SLC7A7: variants seen among roughly 807,000 people sequenced by gnomAD.
SLC7A7 encodes the protein Y+L amino acid transporter 1.
A neutral mutation model predicts 47.9 loss-of-function variants in SLC7A7; 39 were observed. The observed-to-expected ratio is 0.81, with a 90% CI of 0.63 to 1.06. SLC7A7 has a LOEUF of 1.06. SLC7A7 is among the 50% of genes least tolerant of loss of function. SLC7A7 has a pLI of 0.00. For synonymous variants in SLC7A7, 234 were observed against 242.8 expected, an observed-to-expected ratio of 0.96 and a Z score of 0.34; for missense variants, 588 against 632.0, an observed-to-expected ratio of 0.93 and a Z score of 0.75.
chr14:22,774,580 G>GA, intron 7 of SLC7A7, 77 bp from the exon 8 acceptor site: 1 of 1,585,464 alleles, frequency 6.3e-7, no homozygotes, highest in East Asian at 2.2e-5. Context: ...TTATACCCCA[G>GA]AAATCCATCC....
chr14:22,779,468 G>T (rs796221027), intron 3 of SLC7A7, among the ~76,000 whole-genome samples: 22,593 of 124,644 alleles, frequency 0.18, 2,345 homozygotes, highest in African/African-American at 0.32. Context: ...TTTTTTTTTG[G>T]GGGGGGGACA....
intron 2 of SLC7A7, among the ~76,000 whole-genome samples, chr14:22,783,822 C>T (rs893340207): frequency 9.2e-5 from 14 of 152,212 alleles, no homozygotes; most frequent in African/African-American, 3.4e-4. Context: ...CTGATCTGCT[C>T]TCTGTACTGA....
At chr14:22,782,094 T>C (rs1383567446) in intron 2 of SLC7A7, among the ~76,000 whole-genome samples, 2 of 151,974 alleles carry the variant, frequency 1.3e-5, no homozygotes, top group African/African-American at 4.8e-5. Context: ...TTATATTTTA[T>C]TTTATTTATT....
intron 2 of SLC7A7, among the ~76,000 whole-genome samples, chr14:22,812,351 G>A (rs1458892523): frequency 6.6e-6 from 1 of 151,910 alleles, no homozygotes; most frequent in East Asian, 1.9e-4. Context: ...ATTTTTAGTA[G>A]AGATGGGGTT....
At chr14:22,773,901 T>C (rs761534256) in intron 9 of SLC7A7, 32 bp downstream of exon 9, 1 of 1,613,152 alleles carries the variant, frequency 6.2e-7, no homozygotes, top group African/African-American at 1.3e-5. Flanking sequence ...AGCTCTGCAA[T>C]AGCTGAGCGG....
chr14:22,775,445 T>C lies in SLC7A7; in HGVS notation c.1094A>G (p.Asn365Ser), dbSNP rs775426220. The part of the protein sequence containing the change: ...RFTPVPSLLF[N>S]GIMALIYLCV... ...AGTCTCATCCTTGAGTTCACTTACA[T>C]TGAAGAGCAGAGAAGGCACTGGTGT... Residue 365 changes from asparagine to serine, a missense_variant and splice_region_variant, in exon 7 of 10, where the codon AAT (asparagine) becomes AGT (serine). Asn to Ser is a conservative substitution (Grantham distance 46, BLOSUM62 1). Coordinates refer to ENST00000674313, the MANE Select transcript of SLC7A7 (RefSeq NM_003982.4). 19 of 1,613,130 alleles carry C rather than the reference T, an allele frequency of 1.2e-5. No individual in the cohort carries two copies. Among genetic ancestry groups the C allele is most frequent in the East Asian group, 4.5e-5 (2 of 44,894 alleles).
chr14:22,780,194 ACCCTCGGGG>A, intron 2 of SLC7A7, 143 bp from the exon 3 acceptor site: 1 of 1,155,386 alleles, frequency 8.7e-7, no homozygotes. Flanking sequence ...CTGCACTGGA[ACCCTCGGGG>A]CCCCAGAATG....
At chr14:22,779,256 G>A (rs1459963861) in intron 3 of SLC7A7, among the ~76,000 whole-genome samples, 2 of 152,170 alleles carry the variant, frequency 1.3e-5, no homozygotes, top group African/African-American at 4.8e-5. Context: ...CTGCTCTGCA[G>A]GCTGCCTGAT....
intron 2 of SLC7A7, among the ~76,000 whole-genome samples, chr14:22,793,406 C>G (rs1053952554): frequency 2.6e-5 from 4 of 152,156 alleles, no homozygotes; most frequent in Non-Finnish European, 5.9e-5. Context: ...TTGGGAGAAA[C>G]TTAGTTTATA....
intron 2 of SLC7A7, among the ~76,000 whole-genome samples, chr14:22,784,189 C>T (rs1291598339): frequency 1.3e-5 from 2 of 152,204 alleles, no homozygotes; most frequent in African/African-American, 4.8e-5. Context: ...TCCCCTTCTA[C>T]CTCTAGGGGC....
At chr14:22,814,495 CA>C (rs1406209751) in intron 1 of SLC7A7, among the ~76,000 whole-genome samples, 3 of 151,448 alleles carry the variant, frequency 2.0e-5, no homozygotes, top group African/African-American at 7.3e-5. Context: ...AAAAAAAAAA[CA>C]AAATCAAAAA....
chr14:22,802,228 C>T (rs7151696), intron 2 of SLC7A7, among the ~76,000 whole-genome samples: 85,176 of 151,924 alleles, frequency 0.56, 25,020 homozygotes, highest in East Asian at 0.74. Flanking sequence ...CATGGTGAAA[C>T]CCCATCTGTA....
chr14:22,778,865 T>C lies in SLC7A7; in HGVS notation c.698A>G (p.Tyr233Cys), dbSNP rs11568432. 6.2e-7 allele frequency: 1 copy of C among 1,614,132 alleles called. No homozygotes were observed. The highest frequency in any genetic ancestry group is 2.2e-5 in the East Asian group (1 of 44,878). Residue 233 changes from tyrosine (Y) to cysteine (C), a missense_variant, in exon 4 of 10, where the codon TAC (tyrosine) becomes TGC (cysteine). Tyr to Cys is a radical substitution (Grantham distance 194). Coordinates refer to ENST00000674313, the MANE Select transcript of SLC7A7 (RefSeq NM_003982.4). ...GCCTGAGTAGGAGAACAGAGCTGAG[T>C]ACAGTGCCAGGGCAATGTCACCCAC... ...FAVGDIALAL[Y>C]SALFSYSGWD...
chr14:22,781,696 C>T (rs181453835), intron 2 of SLC7A7, among the ~76,000 whole-genome samples: 1 of 152,292 alleles, frequency 6.6e-6, no homozygotes, highest in Non-Finnish European at 1.5e-5. Context: ...CCCCACTGGA[C>T]TCCAGCCTCC....
rs113678567 is a variant in SLC7A7 at position 22,796,195 on chromosome 14, TG to T, written c.500-16145del. 9.0e-3 allele frequency among the ~76,000 whole-genome samples: 1,362 copies of T among 152,168 alleles called. 18 individuals are homozygous for T. The highest frequency in any genetic ancestry group is 0.031 in the African/African-American group (1,304 of 41,510). On this transcript the variant is annotated intron_variant, in intron 2 of 9. Coordinates refer to ENST00000674313, the MANE Select transcript of SLC7A7 (RefSeq NM_003982.4). Reference sequence around the variant, plus strand: ...GAAGGTTCAAAGGGCAAAAGTCCGTTGGGGGGCCCAGCATCTGACTGTTCCA... The same window carrying T: ...GAAGGTTCAAAGGGCAAAAGTCCGTTGGGGGCCCAGCATCTGACTGTTCCA...
chr14:22,779,529 A>G (rs1341357718), intron 3 of SLC7A7, among the ~76,000 whole-genome samples: 1 of 150,782 alleles, frequency 6.6e-6, no homozygotes, highest in East Asian at 2.0e-4. Flanking sequence ...ATCTCAGCTC[A>G]CTGCAACCAC....
chr14:22,789,074 T>C (rs958868864), intron 2 of SLC7A7, among the ~76,000 whole-genome samples: 1 of 152,220 alleles, frequency 6.6e-6, no homozygotes, highest in Non-Finnish European at 1.5e-5. Context: ...TTGTTCTTAG[T>C]GAATTCATAC....
At chr14:22,783,341 T>C (rs1435067075) in intron 2 of SLC7A7, among the ~76,000 whole-genome samples, 1 of 151,956 alleles carries the variant, frequency 6.6e-6, no homozygotes, top group East Asian at 1.9e-4. Flanking sequence ...ACTGGGATTA[T>C]AGGGAAGAGC....
rs1325040557 is a variant in SLC7A7, at chr14:22,773,254, A to G, written c.*356T>C. On this transcript the variant is annotated 3_prime_UTR_variant, in exon 10 of 10. Coordinates refer to ENST00000674313, the MANE Select transcript of SLC7A7 (RefSeq NM_003982.4). The stretch of plus-strand genomic sequence containing the variant: ...ACATAAACTTTTATTGTCATCCAGC[A>G]CCTGTGATAGTTTCATGTCTCTCTA... 2 of 432,948 alleles carry G rather than the reference A, an allele frequency of 4.6e-6. No individual in the cohort carries two copies. The highest frequency in any genetic ancestry group is 8.9e-6 in the Non-Finnish European group (2 of 224,248). The allele number at this position is 432,948 out of a possible 1,614,324, so 26.8% of individuals were successfully genotyped here.
Sources: allele counts gnomAD v4.1 joint callset (sites outside exome capture counted in the v4.1 genomes callset), GRCh38; gene constraint gnomAD v4.1.1; transcripts MANE v1.5; gene names NCBI Gene and HGNC (gene_info 2026-07-23, HGNC 2026-07-21).